The following PTBP3 variants were observed in gnomAD, a reference collection of about 807,000 sequenced individuals.
PTBP3 encodes polypyrimidine tract-binding protein 3.
PTBP3 carries 20 observed loss-of-function variants against 58.7 expected under a neutral mutation model. That is an observed-to-expected ratio of 0.34 (90% confidence interval 0.24 to 0.50). The LOEUF (loss-of-function observed/expected upper bound fraction) is 0.50. Among genes scored for constraint, PTBP3 ranks in the 20% least tolerant of loss-of-function variants. PTBP3 has a pLI of 0.98. For missense variants in PTBP3, 509 were observed against 637.2 expected, an observed-to-expected ratio of 0.80 and a Z score of 2.17; for synonymous variants, 185 against 219.8, an observed-to-expected ratio of 0.84 and a Z score of 1.40.
At chr9:112,310,044 C>T (rs771594020) in intron 1 of PTBP3, among the ~76,000 whole-genome samples, 4 of 152,194 alleles carry the variant, frequency 2.6e-5, no homozygotes, top group African/African-American at 7.2e-5. Context: ...TACACTGTGG[C>T]CCCATCAACA....
intron 4 of PTBP3, among the ~76,000 whole-genome samples, chr9:112,265,200 T>C (rs1836747542): frequency 6.6e-6 from 1 of 152,014 alleles, no homozygotes; most frequent in Non-Finnish European, 1.5e-5. Flanking sequence ...GATCTTGCTC[T>C]GCAATACATT....
At chr9:112,269,646 G>A (rs1054197590) in intron 3 of PTBP3, among the ~76,000 whole-genome samples, 1 of 152,166 alleles carries the variant, frequency 6.6e-6, no homozygotes, top group African/African-American at 2.4e-5. Context: ...GGATCTTTAA[G>A]TCTCTTTGTA....
At chr9:112,232,699 GGA>G (rs1835292584) in intron 8 of PTBP3, among the ~76,000 whole-genome samples, 1 of 152,034 alleles carries the variant, frequency 6.6e-6, no homozygotes, top group African/African-American at 2.4e-5. Flanking sequence ...ATTTTATATG[GGA>G]AAAACATTTT....
At chr9:112,246,990 A>G (rs1366803463) in intron 7 of PTBP3, among the ~76,000 whole-genome samples, 2 of 152,162 alleles carry the variant, frequency 1.3e-5, no homozygotes, top group Non-Finnish European at 2.9e-5. Flanking sequence ...AAGACATTCT[A>G]CAAAAAATAT....
intron 7 of PTBP3, among the ~76,000 whole-genome samples, chr9:112,250,372 G>A (rs1836059745): frequency 6.6e-6 from 1 of 152,042 alleles, no homozygotes. Context: ...AAAGAGGGAG[G>A]CTCTTCAAAG....
At chr9:112,226,938 G>A (rs1377395306) in intron 12 of PTBP3, among the ~76,000 whole-genome samples, 1 of 152,158 alleles carries the variant, frequency 6.6e-6, no homozygotes, top group Non-Finnish European at 1.5e-5. Context: ...AAAGAGACCT[G>A]TACAGTGGCT....
intron 2 of PTBP3, among the ~76,000 whole-genome samples, chr9:112,297,389 G>A (rs1828736437): frequency 6.6e-6 from 1 of 152,144 alleles, no homozygotes; most frequent in South Asian, 2.1e-4. Flanking sequence ...ATTTTTAGTA[G>A]AGACGGGGTT....
At position 112,239,289 on chromosome 9, in the gene PTBP3, T is replaced by A. The variant is rs1018104723; in HGVS notation, c.803-4392A>T. Among the ~76,000 whole-genome samples, 4 of 152,214 alleles carry A rather than the reference T, an allele frequency of 2.6e-5. No individual in the cohort carries two copies. The East Asian group carries it at 7.7e-4, about 29-fold the overall frequency. On this transcript the variant is annotated intron_variant, in intron 7 of 13. Transcript: ENST00000374257. ...AATATTGTTTGCATGGTTATTTTGC[T>A]TCCAGAATTAGGAAATATTAGTAAA... is the stretch of plus-strand genomic sequence containing the variant.
chr9:112,261,425 G>A (rs1458569785), intron 5 of PTBP3, among the ~76,000 whole-genome samples: 2 of 152,116 alleles, frequency 1.3e-5, no homozygotes, highest in Admixed American at 6.5e-5. Context: ...ACTTCTAAGG[G>A]CCCTAGCTTC....
chr9:112,268,840 G>A (rs191528923), intron 3 of PTBP3, among the ~76,000 whole-genome samples: 50 of 151,644 alleles, frequency 3.3e-4, no homozygotes, highest in African/African-American at 1.1e-3. Context: ...GAAAATAAAT[G>A]TGTACATCAC....
intron 2 of PTBP3, among the ~76,000 whole-genome samples, chr9:112,279,034 A>T (rs1043677926): frequency 2.0e-5 from 3 of 152,156 alleles, no homozygotes; most frequent in African/African-American, 7.2e-5. Flanking sequence ...AACTGAACAT[A>T]TTATTACTAT....
At chr9:112,232,940 T>G (rs537770371) in intron 8 of PTBP3, among the ~76,000 whole-genome samples, 3 of 152,230 alleles carry the variant, frequency 2.0e-5, no homozygotes, top group East Asian at 3.9e-4. Flanking sequence ...ACCTCTAGTT[T>G]ATGCAAAATG....
At chr9:112,292,849 C>G (rs898590585) in intron 2 of PTBP3, among the ~76,000 whole-genome samples, 3 of 152,068 alleles carry the variant, frequency 2.0e-5, no homozygotes, top group Non-Finnish European at 4.4e-5. Flanking sequence ...AACAATGTTC[C>G]TATAGTTAAC....
At chr9:112,368,795 CG>C in the PTBP3 span, among the ~76,000 whole-genome samples, 7 of 152,118 alleles carry the variant, frequency 4.6e-5, no homozygotes, top group Non-Finnish European at 7.4e-5. Context: ...ATCAAGACAA[CG>C]GGGGAAAATG....
chr9:112,333,932 A>ACCCCGCCCG (rs1290097273), upstream of PTBP3, among the ~76,000 whole-genome samples: 66 of 144,098 alleles, frequency 4.6e-4, no homozygotes, highest in African/African-American at 1.6e-3. Context: ...TCCGCCGCGC[A>ACCCCGCCCG]CCCCGCCCGC....
chr9:112,218,340 A>T (rs1215746337), downstream of PTBP3: 1 of 152,412 alleles, frequency 6.6e-6, no homozygotes, highest in Non-Finnish European at 1.5e-5. Context: ...ACACGTTTAG[A>T]TGGATGGCTA....
At position 112,218,487 on chromosome 9, in the gene PTBP3, T is replaced by C. The variant is rs1023391568; in HGVS notation, c.*5364A>G. Reference sequence around the variant, plus strand: ...TTTATTAAAAGGCATGCTACAATGCTATATTTGTTAGGAAAAGAGATTAGA... The same window carrying C: ...TTTATTAAAAGGCATGCTACAATGCCATATTTGTTAGGAAAAGAGATTAGA... On this transcript the variant is annotated 3_prime_UTR_variant, in exon 14 of 14. Coordinates refer to ENST00000374257, the MANE Select transcript of PTBP3 (RefSeq NM_001163788.4). The C allele has an allele frequency of 2.0e-5, 3 of 152,660 alleles. No homozygotes were observed. The highest frequency in any genetic ancestry group is 4.4e-5 in the Non-Finnish European group (3 of 68,042). The allele number at this position is 152,660 out of a possible 1,614,324, so 9.5% of individuals were successfully genotyped here.
chr9:112,339,117 C>T, the PTBP3 span, among the ~76,000 whole-genome samples: 1 of 151,928 alleles, frequency 6.6e-6, no homozygotes, highest in Non-Finnish European at 1.5e-5. Context: ...GGGCGAAATG[C>T]CGTCTCTACT....
chr9:112,286,111 T>C (rs1828103117), intron 2 of PTBP3, among the ~76,000 whole-genome samples: 2 of 152,228 alleles, frequency 1.3e-5, no homozygotes. Flanking sequence ...TTTCCTGATA[T>C]TAGTACAGCT....
Sources: gnomAD v4.1 joint callset for allele counts (sites outside exome capture counted in the v4.1 genomes callset) on GRCh38, gnomAD v4.1.1 for gene constraint, MANE v1.5 for transcripts, NCBI Gene and HGNC (gene_info 2026-07-23, HGNC 2026-07-21) for gene names.